RANBP2: variants seen among roughly 807,000 people sequenced by gnomAD.
RANBP2 encodes RAN binding protein 2, also known as E3 SUMO-protein ligase RanBP2.
Under a neutral mutation model 303.6 loss-of-function variants are expected in RANBP2, and 57 were observed. That is an observed-to-expected ratio of 0.19 (90% CI 0.15 to 0.23). RANBP2 has a LOEUF of 0.23. Among genes scored for constraint, RANBP2 ranks in the 10% least tolerant of loss-of-function variants. The pLI is 1.00. For missense variants in RANBP2, 3,138 were observed against 3,780.8 expected (o/e 0.83, Z 4.46); for synonymous variants, 1,167 against 1,301.5 (o/e 0.90, Z 2.23).
chr2:109,069,780 C>T, the RANBP2 span, among the ~76,000 whole-genome samples: 1 of 152,118 alleles, frequency 6.6e-6, no homozygotes, highest in Admixed American at 6.5e-5. Flanking sequence ...CTTGAGTTGT[C>T]AGTTCCTTCA....
the RANBP2 span, chr2:109,546,133 T>C: frequency 6.2e-7 from 1 of 1,611,656 alleles, no homozygotes; most frequent in Admixed American, 1.7e-5. Flanking sequence ...TAGCTTTCTT[T>C]TTAGAGAAAG....
chr2:109,149,292 A>G, the RANBP2 span, among the ~76,000 whole-genome samples: 2 of 152,190 alleles, frequency 1.3e-5, no homozygotes, highest in Admixed American at 1.3e-4. Flanking sequence ...TGGGAGATCC[A>G]TTGGCTTAGA....
At chr2:109,406,210 G>A in the RANBP2 span, among the ~76,000 whole-genome samples, 105 of 152,308 alleles carry the variant, frequency 6.9e-4, no homozygotes, top group East Asian at 0.019. Flanking sequence ...CTCTGCTGGG[G>A]GAGGGAGGTT....
the RANBP2 span, among the ~76,000 whole-genome samples, chr2:108,980,184 G>A: frequency 6.6e-6 from 1 of 152,058 alleles, no homozygotes; most frequent in Non-Finnish European, 1.5e-5. Flanking sequence ...CTATTTCAAG[G>A]TCTCCTGGTT....
At chr2:109,589,416 C>T in the RANBP2 span, among the ~76,000 whole-genome samples, 4 of 152,186 alleles carry the variant, frequency 2.6e-5, no homozygotes, top group African/African-American at 9.6e-5. Flanking sequence ...CCTGTAGTCC[C>T]AGCTACTCCG....
the RANBP2 span, among the ~76,000 whole-genome samples, chr2:109,123,319 T>TTCCTTCC: frequency 3.1e-5 from 4 of 129,940 alleles, no homozygotes; most frequent in African/African-American, 1.2e-4. Flanking sequence ...CTTTTCTTTC[T>TTCCTTCC]TTCCTTCCTT....
the RANBP2 span, among the ~76,000 whole-genome samples, chr2:109,212,192 A>C: frequency 5.3e-5 from 8 of 152,150 alleles, no homozygotes; most frequent in Admixed American, 1.3e-4. Context: ...GGTACCAGCC[A>C]CTGGTGTCTG....
chr2:109,387,864 G>T, the RANBP2 span, among the ~76,000 whole-genome samples: 1 of 152,016 alleles, frequency 6.6e-6, no homozygotes. Flanking sequence ...TGGTTGGGGG[G>T]GGGGTCTCCT....
chr2:109,507,797 T>C, the RANBP2 span, among the ~76,000 whole-genome samples: 1 of 152,152 alleles, frequency 6.6e-6, no homozygotes, highest in Non-Finnish European at 1.5e-5. Context: ...TTGACTCAAC[T>C]GAAAAGCTGA....
the RANBP2 span, among the ~76,000 whole-genome samples, chr2:109,561,527 C>A: frequency 6.6e-6 from 1 of 152,288 alleles, no homozygotes; most frequent in South Asian, 2.1e-4. Context: ...AGATTTTACC[C>A]AGTATTATTC....
At chr2:108,861,196 G>C in the RANBP2 span, among the ~76,000 whole-genome samples, 1 of 151,010 alleles carries the variant, frequency 6.6e-6, no homozygotes, top group African/African-American at 2.4e-5. Context: ...ATTTCTGATT[G>C]TGTTTATTGG....
At chr2:109,124,786 C>T in the RANBP2 span, among the ~76,000 whole-genome samples, 2 of 152,270 alleles carry the variant, frequency 1.3e-5, no homozygotes, top group East Asian at 3.9e-4. Flanking sequence ...CTTCTTGCCC[C>T]AAATGAGTAC....
At chr2:109,241,347 G>C in the RANBP2 span, among the ~76,000 whole-genome samples, 1 of 152,178 alleles carries the variant, frequency 6.6e-6, no homozygotes, top group Non-Finnish European at 1.5e-5. Context: ...TGGAAAAAAA[G>C]TATACAAAAT....
At chr2:108,769,024 A>G (rs972511866) in intron 20 of RANBP2, among the ~76,000 whole-genome samples, 1 of 150,432 alleles carries the variant, frequency 6.6e-6, no homozygotes, top group African/African-American at 2.5e-5. Context: ...AGTGACTGAG[A>G]CTTTGTCTCC....
chr2:108,726,316 GT>G (rs1316551981), intron 1 of RANBP2, among the ~76,000 whole-genome samples: 1 of 152,068 alleles, frequency 6.6e-6, no homozygotes, highest in African/African-American at 2.4e-5. Flanking sequence ...CAGTGCTTGT[GT>G]TCAAGTAACC....
chr2:109,194,690 A>G, the RANBP2 span, among the ~76,000 whole-genome samples: 4 of 152,206 alleles, frequency 2.6e-5, no homozygotes, highest in African/African-American at 4.8e-5. Flanking sequence ...TCATCAGGGC[A>G]GGTGCTGAGC....
chr2:109,339,007 A>G, the RANBP2 span, among the ~76,000 whole-genome samples: 2 of 152,214 alleles, frequency 1.3e-5, no homozygotes, highest in Admixed American at 6.5e-5. Flanking sequence ...AGAAATTGTT[A>G]TTTAAAAAAT....
At chr2:108,978,456 T>C in the RANBP2 span, among the ~76,000 whole-genome samples, 1 of 152,180 alleles carries the variant, frequency 6.6e-6, no homozygotes, top group African/African-American at 2.4e-5. Flanking sequence ...TCATATTTGT[T>C]AGACGCCTCA....
the RANBP2 span, among the ~76,000 whole-genome samples, chr2:109,377,028 C>CA: frequency 6.6e-6 from 1 of 152,230 alleles, no homozygotes; most frequent in East Asian, 1.9e-4. Context: ...GAGAGCCGCT[C>CA]AGAGTCCGGG....
Sources: gnomAD v4.1 joint callset for allele counts (sites outside exome capture counted in the v4.1 genomes callset) on GRCh38, gnomAD v4.1.1 for gene constraint, MANE v1.5 for transcripts, NCBI Gene and HGNC (gene_info 2026-07-23, HGNC 2026-07-21) for gene names.